The following TTYH3 variants were observed in gnomAD, a reference collection of about 807,000 sequenced individuals.
The protein encoded by TTYH3 is tweety family member 3, also known as protein tweety homolog 3.
A neutral mutation model predicts 68.2 loss-of-function variants in TTYH3; 23 were observed. That is an observed-to-expected ratio of 0.34 (90% confidence interval 0.24 to 0.48). The LOEUF (loss-of-function observed/expected upper bound fraction) is 0.48. Among genes scored for constraint, TTYH3 ranks in the 20% least tolerant of loss-of-function variants. TTYH3 has a pLI of 0.99. For synonymous variants in TTYH3, 360 were observed against 332.8 expected (o/e 1.08, Z -0.89); for missense variants, 768 against 727.7 (o/e 1.06, Z -0.64).
At position 2,658,477 on chromosome 7, in the gene TTYH3, T is replaced by TA; in HGVS notation, c.1424+19dup. 1 of 1,595,284 alleles carries TA rather than the reference T, an allele frequency of 6.3e-7. No homozygotes were observed. Among genetic ancestry groups the TA allele is most frequent in the South Asian group, 1.1e-5 (1 of 90,186 alleles). ...GAGTACATGTGAGTTGACGTGGGCCTAGTGGGGCCAGCGGACACGTCAGCT... is the reference window on the plus strand; with the variant it reads ...GAGTACATGTGAGTTGACGTGGGCCTAAGTGGGGCCAGCGGACACGTCAGCT... On this transcript the variant is annotated intron_variant, in intron 12 of 13. Coordinates refer to ENST00000258796, the MANE Select transcript of TTYH3 (RefSeq NM_025250.3).
chr7:2,635,320 C>A (rs1785629021), intron 1 of TTYH3, among the ~76,000 whole-genome samples: 1 of 152,220 alleles, frequency 6.6e-6, no homozygotes, highest in African/African-American at 2.4e-5. Context: ...CAGGCCTGCA[C>A]CCTCGCTCTG....
At chr7:2,647,821 A>G in intron 4 of TTYH3, 138 bp from the exon 5 acceptor site, 1 of 1,111,670 alleles carries the variant, frequency 9.0e-7, no homozygotes, top group Middle Eastern at 2.0e-4. Context: ...AACTGACACC[A>G]GTCCCCATGA....
Position 2,647,188 on chromosome 7 carries a change from G to T in TTYH3, c.340G>T (p.Gly114Cys). The T allele has an allele frequency of 6.2e-7, 1 of 1,606,962 alleles. No individual in the cohort carries two copies. The highest frequency in any genetic ancestry group is 8.5e-7 in the Non-Finnish European group (1 of 1,178,232). The stretch of plus-strand genomic sequence containing the variant: ...CTACGGCAACGGGGAGACCAGTGAT[G>T]GCATCCATAGGGCCACCTACTCGCT... The part of the protein sequence containing the change: ...GFYGNGETSD[G>C]IHRATYSLRH... The change falls in exon 3 of 14, where the codon GGC (glycine) becomes TGC (cysteine). Residue 114 changes from glycine (G) to cysteine (C), a missense_variant. Transcript: ENST00000258796.
At chr7:2,658,552 G>A (rs1192263750) in intron 12 of TTYH3, 93 bp downstream of exon 12, 3 of 1,451,930 alleles carry the variant, frequency 2.1e-6, no homozygotes, top group Non-Finnish European at 2.8e-6. Flanking sequence ...GCAAGGGGCT[G>A]GAGAAGGGGC....
chr7:2,647,504 C>A lies in TTYH3; in HGVS notation c.492C>A (p.Pro164=), dbSNP rs1232983748. 1 of 1,541,936 alleles carries A rather than the reference C, an allele frequency of 6.5e-7. No homozygotes were observed. Among genetic ancestry groups the A allele is most frequent in the Non-Finnish European group, 8.7e-7 (1 of 1,145,894 alleles). The change falls in exon 4 of 14, where the codon CCC becomes CCA. Residue 164 remains proline, a synonymous_variant. Coordinates refer to ENST00000258796, the MANE Select transcript of TTYH3 (RefSeq NM_025250.3). The stretch of plus-strand genomic sequence containing the variant: ...GGCAGCTGGCCGGGCGGCCCGAGCC[C>A]CTGCGAGCCGTACAGAGGCTGCAGG... ...LERQLAGRPE[P]LRAVQRLQGL... is the part of the protein sequence containing the mutation.
chr7:2,642,275 C>T (rs1041065582), intron 1 of TTYH3, among the ~76,000 whole-genome samples: 1 of 152,104 alleles, frequency 6.6e-6, no homozygotes, highest in Admixed American at 6.5e-5. Flanking sequence ...AGCACAGTGA[C>T]TCATGCCTGT....
intron 1 of TTYH3, among the ~76,000 whole-genome samples, chr7:2,635,333 G>A (rs1001426018): frequency 2.6e-5 from 4 of 152,328 alleles, no homozygotes; most frequent in Middle Eastern, 6.8e-3. Context: ...TCGCTCTGTC[G>A]CTTCTTCCTG....
In TTYH3 at chr7:2,647,143, G is replaced by C; in HGVS notation, c.295G>C (p.Ala99Pro). ...CVIIATLVCS[A>P]GIAVGFYGNG... ...ATCTCACGGGCCCGCCCTCTCCAGC[G>C]CCGGCATCGCAGTGGGATTCTACGG... is the stretch of plus-strand genomic sequence containing the variant. Residue 99 changes from alanine to proline, a missense_variant and splice_region_variant, in exon 3 of 14, where the codon GCC becomes CCC. Coordinates refer to ENST00000258796, the MANE Select transcript of TTYH3 (RefSeq NM_025250.3). 1 of 1,600,588 alleles carries C rather than the reference G, an allele frequency of 6.2e-7. No homozygotes were observed. Among genetic ancestry groups the C allele is most frequent in the Non-Finnish European group, 8.5e-7 (1 of 1,175,658 alleles).
chr7:2,633,100 C>T (rs1785564634), intron 1 of TTYH3, among the ~76,000 whole-genome samples: 1 of 152,102 alleles, frequency 6.6e-6, no homozygotes, highest in South Asian at 2.1e-4. Context: ...GCACCACCCC[C>T]ATCGCCAAGC....
intron 1 of TTYH3, among the ~76,000 whole-genome samples, chr7:2,639,920 G>A (rs909241055): frequency 1.3e-5 from 2 of 152,150 alleles, no homozygotes; most frequent in East Asian, 1.9e-4. Flanking sequence ...ACCGTGCCCC[G>A]TGGCTGCACC....
chr7:2,652,046 C>T, intron 7 of TTYH3, 141 bp from the exon 8 acceptor site: 3 of 709,302 alleles, frequency 4.2e-6, no homozygotes, highest in Middle Eastern at 2.5e-4. Context: ...CATGTGTAAA[C>T]AGGTGCACAC....
At chr7:2,654,555 T>A (rs1373787969) in intron 9 of TTYH3, among the ~76,000 whole-genome samples, 1 of 152,128 alleles carries the variant, frequency 6.6e-6, no homozygotes, top group African/African-American at 2.4e-5. Flanking sequence ...CCTCTTGGCG[T>A]TTTTGCACTC....
rs1007834956 is a variant in TTYH3 at position 2,641,364 on chromosome 7, C to T, written c.124-5489C>T. On this transcript the variant is annotated intron_variant, in intron 1 of 13. Coordinates refer to ENST00000258796, the MANE Select transcript of TTYH3 (RefSeq NM_025250.3). ...GGGAGGGGGCATCCCCCATGGATGC[C>T]GTCTGTGGCTGTGGGGCTGCAGGGG... Among the ~76,000 whole-genome samples, 130 of 146,114 alleles carry T rather than the reference C, an allele frequency of 8.9e-4. 1 individual carries two copies. The highest frequency in any genetic ancestry group is 6.0e-4 in the East Asian group (3 of 4,994).
Position 2,645,291 on chromosome 7 carries a change from C to T in TTYH3, c.124-1562C>T, listed in dbSNP as rs1785950728. On this transcript the variant is annotated intron_variant, in intron 1 of 13. Transcript: ENST00000258796. This position sits in a 1 kb window ranked among gnomAD's most constrained non-coding sequence, Gnocchi z 4.8. ...ATCCAGGGACCTGGGGTTGCAGGGC[C>T]TGTGTGCTTTCTCTGTAGCTTCTAT... Among the ~76,000 whole-genome samples the T allele has an allele frequency of 6.6e-6, 1 of 152,234 alleles. No individual in the cohort carries two copies. The highest frequency in any genetic ancestry group is 2.4e-5 in the African/African-American group (1 of 41,460).
intron 1 of TTYH3, among the ~76,000 whole-genome samples, chr7:2,635,791 C>T (rs2114970854): frequency 6.6e-6 from 1 of 152,322 alleles, no homozygotes; most frequent in South Asian, 2.1e-4. Context: ...GACGTGTTTT[C>T]CACTAGAGCC....
intron 1 of TTYH3, among the ~76,000 whole-genome samples, chr7:2,643,714 C>T (rs189002794): frequency 2.6e-5 from 4 of 152,308 alleles, no homozygotes; most frequent in East Asian, 3.9e-4. Flanking sequence ...GTGGCTCTGG[C>T]GCCGCTGAGG....
intron 1 of TTYH3, among the ~76,000 whole-genome samples, chr7:2,640,380 T>C (rs2114976509): frequency 6.6e-6 from 1 of 151,062 alleles, no homozygotes; most frequent in South Asian, 2.1e-4. Flanking sequence ...CGTGTGCATG[T>C]AGAGCAGCCG....
At position 2,662,337 on chromosome 7, in the gene TTYH3, C is replaced by G. The variant is rs925842029; in HGVS notation, c.*598C>G. On this transcript the variant is annotated 3_prime_UTR_variant, in exon 14 of 14. Coordinates refer to ENST00000258796, the MANE Select transcript of TTYH3 (RefSeq NM_025250.3). ...GCCGGCTGCCAGAGGCCCCCTCCAG[C>G]AGGGCCTCTCTCCGTTGCCCCAGCT... 5 of 158,288 alleles carry G rather than the reference C, an allele frequency of 3.2e-5. No individual in the cohort carries two copies. Among genetic ancestry groups the G allele is most frequent in the Non-Finnish European group, 6.9e-5 (5 of 71,980 alleles). 9.8% of individuals were successfully genotyped at this position (158,288 alleles called of 1,614,324 possible). A position where few individuals can be genotyped will look rare whatever the true frequency, so the allele number is the denominator to read the frequency against.
rs567012665 is a variant in TTYH3, at chr7:2,643,545, C to T, written c.124-3308C>T. Among the ~76,000 whole-genome samples, 24 of 152,314 alleles carry T rather than the reference C, an allele frequency of 1.6e-4. No homozygotes were observed. The East Asian group carries it at 4.6e-3, about 29-fold the overall frequency. On this transcript the variant is annotated intron_variant, in intron 1 of 13. Transcript: ENST00000258796. ...GGGTGCCTGGTGCTTAGCAGCCTCT[C>T]CCCACCGGGCATGGGCGTCCCCTGC... is the stretch of plus-strand genomic sequence containing the variant.
Sources: allele counts gnomAD v4.1 joint callset (sites outside exome capture counted in the v4.1 genomes callset), GRCh38; gene constraint gnomAD v4.1.1; non-coding constraint Gnocchi (gnomAD v3.1); transcripts MANE v1.5; gene names NCBI Gene and HGNC (gene_info 2026-07-23, HGNC 2026-07-21).